RAB27B: variants seen among roughly 807,000 people sequenced by gnomAD.
RAB27B encodes the protein RAB27B, member RAS oncogene family.
RAB27B carries 15 observed loss-of-function variants against 24.6 expected under a neutral mutation model. That is an observed-to-expected ratio of 0.61 (90% CI 0.41 to 0.94). The LOEUF is 0.94. Among genes scored for constraint, RAB27B ranks in the 40% least tolerant of loss-of-function variants. The pLI, the probability that RAB27B is intolerant of heterozygous loss-of-function variation, is 0.00. For synonymous variants in RAB27B, 105 were observed against 92.5 expected, an observed-to-expected ratio of 1.14 and a Z score of -0.78; for missense variants, 261 against 266.8, an observed-to-expected ratio of 0.98 and a Z score of 0.15.
chr18:54,736,960 G>A (rs1598867770), intron 2 of RAB27B, among the ~76,000 whole-genome samples: 1 of 152,250 alleles, frequency 6.6e-6, no homozygotes, highest in South Asian at 2.1e-4. Context: ...GGACTCGAAA[G>A]AACAGTTTTT....
intron 2 of RAB27B, among the ~76,000 whole-genome samples, chr18:54,726,642 G>A (rs1263321350): frequency 6.6e-6 from 1 of 151,602 alleles, no homozygotes; most frequent in Middle Eastern, 3.2e-3. Flanking sequence ...GGGCACATAG[G>A]TTTAATTCTA....
chr18:54,757,959 C>T (rs73959291), intron 2 of RAB27B, among the ~76,000 whole-genome samples: 8,280 of 151,894 alleles, frequency 0.055, 285 homozygotes, highest in Admixed American at 0.083. Flanking sequence ...AATTATCTGG[C>T]ATGCCTCTAC....
At chr18:54,877,483 A>AATT (rs1031733591) in intron 1 of RAB27B, 84 bp from the exon 2 acceptor site, 8 of 1,131,362 alleles carry the variant, frequency 7.1e-6, no homozygotes, top group Non-Finnish European at 9.3e-6. Context: ...TAACCCTGAA[A>AATT]ATTAAATTTA....
chr18:54,782,005 TG>T (rs1353633573), intron 2 of RAB27B, among the ~76,000 whole-genome samples: 2 of 152,248 alleles, frequency 1.3e-5, no homozygotes, highest in African/African-American at 2.4e-5. Context: ...TAAATGTTTT[TG>T]AATTTATTAA....
At chr18:54,772,280 A>G (rs891675412) in intron 2 of RAB27B, among the ~76,000 whole-genome samples, 3 of 152,172 alleles carry the variant, frequency 2.0e-5, no homozygotes, top group African/African-American at 4.8e-5. Context: ...TTAGATGCCA[A>G]TGGTTCTTGG....
At chr18:54,770,197 T>G (rs1431060619) in intron 2 of RAB27B, among the ~76,000 whole-genome samples, 1 of 152,182 alleles carries the variant, frequency 6.6e-6, no homozygotes, top group South Asian at 2.1e-4. Flanking sequence ...ACCTGGGACA[T>G]GGACTGCTAC....
intron 1 of RAB27B, among the ~76,000 whole-genome samples, chr18:54,854,455 G>A (rs564826582): frequency 2.0e-5 from 3 of 152,220 alleles, no homozygotes; most frequent in Admixed American, 1.3e-4. Flanking sequence ...AATATGTTGT[G>A]CCTCTTTTTA....
chr18:54,873,685 C>G (rs1188298124), intron 1 of RAB27B, among the ~76,000 whole-genome samples: 7 of 140,848 alleles, frequency 5.0e-5, no homozygotes, highest in Admixed American at 2.1e-4. Flanking sequence ...GAGCCAAATC[C>G]TGTGTGTGTG....
At chr18:54,870,596 T>A (rs986930891) in intron 1 of RAB27B, among the ~76,000 whole-genome samples, 1 of 152,166 alleles carries the variant, frequency 6.6e-6, no homozygotes, top group Non-Finnish European at 1.5e-5. Flanking sequence ...TGATTGTACA[T>A]CTAGAAAATT....
At chr18:54,868,687 G>A (rs943217553) in intron 1 of RAB27B, among the ~76,000 whole-genome samples, 11 of 151,936 alleles carry the variant, frequency 7.2e-5, no homozygotes, top group Non-Finnish European at 2.9e-5. Context: ...ACAATGGCGT[G>A]ATCTCAACTC....
intron 2 of RAB27B, among the ~76,000 whole-genome samples, chr18:54,730,165 C>A (rs148242943): frequency 6.6e-6 from 1 of 152,180 alleles, no homozygotes; most frequent in East Asian, 1.9e-4. Flanking sequence ...GAGGTTGTAT[C>A]TTTTATGACG....
intron 1 of RAB27B, among the ~76,000 whole-genome samples, chr18:54,871,198 TA>T (rs748264917): frequency 3.3e-5 from 5 of 151,894 alleles, no homozygotes; most frequent in East Asian, 1.9e-4. Context: ...AACAAAATGC[TA>T]AAAAAAATAC....
chr18:54,827,075 C>T (rs1342439897), upstream of RAB27B, among the ~76,000 whole-genome samples: 1 of 152,216 alleles, frequency 6.6e-6, no homozygotes, highest in Non-Finnish European at 1.5e-5. Flanking sequence ...CATGGACACA[C>T]ACTTCTTATA....
At chr18:54,833,605 A>T (rs899951924) in intron 1 of RAB27B, among the ~76,000 whole-genome samples, 1 of 152,202 alleles carries the variant, frequency 6.6e-6, no homozygotes, top group Admixed American at 6.5e-5. Flanking sequence ...GAAAATTAAA[A>T]TCAAAGAAAG....
chr18:54,849,598 G>A (rs150548963), intron 1 of RAB27B, among the ~76,000 whole-genome samples: 2 of 152,146 alleles, frequency 1.3e-5, no homozygotes, highest in Non-Finnish European at 2.9e-5. Context: ...GCATGCTTCT[G>A]TAATTCCAGC....
At chr18:54,856,634 G>C (rs1911795665) in intron 1 of RAB27B, among the ~76,000 whole-genome samples, 1 of 152,208 alleles carries the variant, frequency 6.6e-6, no homozygotes, top group Non-Finnish European at 1.5e-5. Context: ...GCCACTAACA[G>C]AACAGGGAAT....
rs869079784 is a variant in RAB27B, at chr18:54,850,333, G to GACATATATATATATATATATAT, written c.-20+21634_-20+21635insCATATATATATATATATATATA. 8.5e-3 allele frequency among the ~76,000 whole-genome samples: 811 copies of GACATATATATATATATATATAT among 95,056 alleles called. 68 individuals are homozygous for GACATATATATATATATATATAT. The highest frequency in any genetic ancestry group is 0.021 in the East Asian group (71 of 3,410). The allele number at this position is 95,056 out of a possible 152,430, so 62.4% of individuals were successfully genotyped here. A position where few individuals can be genotyped will look rare whatever the true frequency, so the allele number is the denominator to read the frequency against. On this transcript the variant is annotated intron_variant, in intron 1 of 5. Transcript: ENST00000262094. ...TATTTATTTAAAAGCAAACAAACAG[G>GACATATATATATATATATATAT]ATATATATATATATATATATATATA...
At chr18:54,801,830 T>C (rs1053501425) in intron 2 of RAB27B, among the ~76,000 whole-genome samples, 1 of 152,208 alleles carries the variant, frequency 6.6e-6, no homozygotes, top group East Asian at 1.9e-4. Flanking sequence ...GTGGATGATA[T>C]GGGCTCTGTC....
At chr18:54,840,322 T>A (rs1307548142) in intron 1 of RAB27B, among the ~76,000 whole-genome samples, 1 of 152,222 alleles carries the variant, frequency 6.6e-6, no homozygotes, top group African/African-American at 2.4e-5. Context: ...AATGATTTGT[T>A]GGCCAGTCTT....
Sources: gnomAD v4.1 joint callset for allele counts (sites outside exome capture counted in the v4.1 genomes callset) on GRCh38, gnomAD v4.1.1 for gene constraint, MANE v1.5 for transcripts, NCBI Gene and HGNC (gene_info 2026-07-23, HGNC 2026-07-21) for gene names.